Variants in CDKN2C observed in about 807,000 individuals in gnomAD.
CDKN2C encodes cyclin-dependent kinase 4 inhibitor C.
A neutral mutation model predicts 11.0 loss-of-function variants in CDKN2C; 5 were observed. The ratio of observed to expected loss-of-function variants is 0.45; its 90% CI spans 0.24 to 0.95. The LOEUF (loss-of-function observed/expected upper bound fraction) is 0.95. CDKN2C is among the 40% of genes least tolerant of loss of function. CDKN2C has a pLI of 0.21. For missense variants in CDKN2C, 161 were observed against 211.9 expected (o/e 0.76, Z 1.49); for synonymous variants, 79 against 88.3 (o/e 0.89, Z 0.59).
chr1:50,970,128 A>T, upstream of CDKN2C: 1 of 561,026 alleles, frequency 1.8e-6, no homozygotes, highest in South Asian at 2.0e-5. Flanking sequence ...TAAGCTAAAA[A>T]AGCGAGGCGA....
upstream of CDKN2C, among the ~76,000 whole-genome samples, chr1:50,965,957 C>T (rs1472890983): frequency 5.9e-5 from 9 of 151,974 alleles, no homozygotes; most frequent in Non-Finnish European, 1.5e-5. Flanking sequence ...GTTAATCATT[C>T]AGAAACTGTA....
At position 50,973,993 on chromosome 1, in the gene CDKN2C, C is replaced by A. The variant is rs746646631; in HGVS notation, c.230C>A (p.Ala77Glu). The change falls in exon 2 of 2, where the codon GCG becomes GAG. Residue 77 changes from alanine to glutamate, a missense_variant. Transcript: ENST00000371761. The stretch of plus-strand genomic sequence containing the variant: ...ACTGGTTTCGCTGTCATTCATGATG[C>A]GGCCAGAGCAGGTTTCCTGGACACT... ...DRTGFAVIHDAARAGFLDTLQ... is the reference protein window; with the variant it reads ...DRTGFAVIHDEARAGFLDTLQ... 6.2e-7 allele frequency: 1 copy of A among 1,614,190 alleles called. No individual in the cohort carries two copies. The highest frequency in any genetic ancestry group is 8.5e-7 in the Non-Finnish European group (1 of 1,180,028).
chr1:50,970,335 AT>A lies in CDKN2C; in HGVS notation c.-32del. On this transcript the variant is annotated 5_prime_UTR_variant, in exon 1 of 2. Transcript: ENST00000371761. ...GAAAGGGGAAAAAGAAAAACGACTAATTCATCTTTTCCTGATCGTCAGGACC... is the reference window on the plus strand; with the variant it reads ...GAAAGGGGAAAAAGAAAAACGACTAATCATCTTTTCCTGATCGTCAGGACC... 6.2e-7 allele frequency: 1 copy of A among 1,613,306 alleles called. No individual in the cohort carries two copies. The highest frequency in any genetic ancestry group is 8.5e-7 in the Non-Finnish European group (1 of 1,179,934).
chr1:50,961,587 T>G (rs1645323688), intron 1 of CDKN2C, among the ~76,000 whole-genome samples: 1 of 152,248 alleles, frequency 6.6e-6, no homozygotes. Flanking sequence ...TGTAAAAGCT[T>G]GAAAATGTGA....
In CDKN2C at chr1:50,974,577, G is replaced by T. The variant is rs10028; in HGVS notation, c.*307G>T. 1 of 309,008 alleles carries T rather than the reference G, an allele frequency of 3.2e-6. No individual in the cohort carries two copies. Among genetic ancestry groups the T allele is most frequent in the Non-Finnish European group, 6.0e-6 (1 of 167,350 alleles). 19.1% of individuals were successfully genotyped at this position (309,008 alleles called of 1,614,324 possible). A position where few individuals can be genotyped will look rare whatever the true frequency, so the allele number is the denominator to read the frequency against. ...TCTCAACACCCAAGTTGAAGACTTT[G>T]TTTTTAAAATGGTTTGTCCTGATGC... On this transcript the variant is annotated 3_prime_UTR_variant, in exon 2 of 2. Transcript: ENST00000371761.
upstream of CDKN2C, among the ~76,000 whole-genome samples, chr1:50,966,099 T>C (rs1645346192): frequency 6.6e-6 from 1 of 151,934 alleles, no homozygotes; most frequent in Non-Finnish European, 1.5e-5. Context: ...TTTTTTTTTT[T>C]TTTTTGAGAC....
intron 1 of CDKN2C, among the ~76,000 whole-genome samples, chr1:50,964,075 T>C (rs1645336653): frequency 6.6e-6 from 1 of 152,198 alleles, no homozygotes; most frequent in Non-Finnish European, 1.5e-5. Flanking sequence ...TATATGCTTT[T>C]AGCCCATTTT....
rs779124012 is a variant in CDKN2C, at chr1:50,970,396, G to A, written c.28G>A (p.Ala10Thr). 2.5e-6 allele frequency: 4 copies of A among 1,614,148 alleles called. No homozygotes were observed. The highest frequency in any genetic ancestry group is 3.4e-6 in the Non-Finnish European group (4 of 1,180,028). ...GGCCGAGCCTTGGGGGAACGAGTTG[G>A]CGTCCGCAGCTGCCAGGGGGGACCT... Reference protein sequence around the residue: MAEPWGNELASAAARGDLEQ... With the variant: MAEPWGNELTSAAARGDLEQ... Residue 10 changes from alanine to threonine, a missense_variant, in exon 1 of 2, where the codon GCG (alanine) becomes ACG (threonine). By Grantham distance (58) the Ala-to-Thr change is moderately conservative. Transcript: ENST00000371761.
chr1:50,966,661 G>C (rs1453200183), upstream of CDKN2C, among the ~76,000 whole-genome samples: 1 of 151,200 alleles, frequency 6.6e-6, no homozygotes, highest in Non-Finnish European at 1.5e-5. Flanking sequence ...AAGACCCTAA[G>C]CTCTGCACTG....
chr1:50,973,403 C>G (rs1039174902), intron 1 of CDKN2C, among the ~76,000 whole-genome samples: 1 of 152,132 alleles, frequency 6.6e-6, no homozygotes, highest in African/African-American at 2.4e-5. Flanking sequence ...ACTCAACATC[C>G]TTATTTGTTT....
Position 50,974,357 on chromosome 1 carries a change from A to C in CDKN2C, c.*87A>C, listed in dbSNP as rs1334077201. On this transcript the variant is annotated 3_prime_UTR_variant, in exon 2 of 2. Transcript: ENST00000371761. ...CTTTTAATGTCATTTGTTAAAATAC[A>C]GTTCTGTCATATGTTAAGCAGCTAA... 3 of 1,365,830 alleles carry C rather than the reference A, an allele frequency of 2.2e-6. No homozygotes were observed. In the African/African-American group the frequency reaches 4.4e-5, roughly 20 times the overall value. 84.6% of individuals were successfully genotyped at this position (1,365,830 alleles called of 1,614,324 possible).
At chr1:50,967,245 T>C (rs964419478), upstream of CDKN2C, among the ~76,000 whole-genome samples, 2 of 152,208 alleles carry the variant, frequency 1.3e-5, no homozygotes, top group Non-Finnish European at 2.9e-5. Context: ...AAATTATTAT[T>C]TATTTCTTAC....
chr1:50,963,347 T>C (rs1391701079), intron 1 of CDKN2C, among the ~76,000 whole-genome samples: 1 of 152,276 alleles, frequency 6.6e-6, no homozygotes, highest in Non-Finnish European at 1.5e-5. Context: ...CTTGTGAACA[T>C]AACAGATGGC....
chr1:50,969,144 G>C (rs1645365556), upstream of CDKN2C: 1 of 152,542 alleles, frequency 6.6e-6, no homozygotes, highest in South Asian at 2.1e-4. This position sits in a 1 kb window ranked among gnomAD's most constrained non-coding sequence, Gnocchi z 6.6. Context: ...AGCGCTCGCC[G>C]AGACGGCGAC....
In CDKN2C at chr1:50,973,977, G is replaced by T. The variant is rs771853517; in HGVS notation, c.214G>T (p.Ala72Ser). 1.2e-6 allele frequency: 2 copies of T among 1,614,172 alleles called. No homozygotes were observed. The highest frequency in any genetic ancestry group is 1.7e-6 in the Non-Finnish European group (2 of 1,180,030). Residue 72 changes from alanine to serine, a missense_variant, in exon 2 of 2, where the codon GCT (alanine) becomes TCT (serine). Physicochemically the swap from Ala to Ser is moderately conservative, Grantham distance 99. Transcript: ENST00000371761. The stretch of plus-strand genomic sequence containing the variant: ...CGATTTGAAAGACCGAACTGGTTTC[G>T]CTGTCATTCATGATGCGGCCAGAGC... ...NPDLKDRTGF[A>S]VIHDAARAGF...
chr1:50,974,112 CG>C lies in CDKN2C; in HGVS notation c.352del (p.Val118TrpfsTer6). ...CTTGGCTGCCAAAGAAGGCCACCTC[CG>C]GGTGGTGGAGTTCCTGGTGAAGCAC... is the stretch of plus-strand genomic sequence containing the variant. ...LHLAAKEGHL[R>X]VVEFLVKHTA... On this transcript the variant is annotated frameshift_variant, in exon 2 of 2. Coordinates refer to ENST00000371761, the MANE Select transcript of CDKN2C (RefSeq NM_078626.3). LOFTEE classifies it high-confidence loss of function. 1 of 1,614,146 alleles carries C rather than the reference CG, an allele frequency of 6.2e-7. No homozygotes were observed. The highest frequency in any genetic ancestry group is 8.5e-7 in the Non-Finnish European group (1 of 1,180,018).
chr1:50,961,733 A>G (rs1355736727), intron 1 of CDKN2C, among the ~76,000 whole-genome samples: 1 of 152,206 alleles, frequency 6.6e-6, no homozygotes, highest in Non-Finnish European at 1.5e-5. Context: ...GGGCCTCACT[A>G]TGTTGCCCAG....
chr1:50,961,059 G>A (rs1645318273), intron 1 of CDKN2C, among the ~76,000 whole-genome samples: 1 of 142,944 alleles, frequency 7.0e-6, no homozygotes, highest in Non-Finnish European at 1.5e-5. Flanking sequence ...ATTTTGAGAC[G>A]GAGTCTCGCA....
At chr1:50,971,765 A>G (rs1026429124) in intron 1 of CDKN2C, among the ~76,000 whole-genome samples, 2 of 152,200 alleles carry the variant, frequency 1.3e-5, no homozygotes, top group Non-Finnish European at 2.9e-5. Flanking sequence ...TTTGACGAAC[A>G]GGAAGACTGG....
Sources: gnomAD v4.1 joint callset for allele counts (sites outside exome capture counted in the v4.1 genomes callset) on GRCh38, gnomAD v4.1.1 for gene constraint, Gnocchi (gnomAD v3.1) non-coding constraint, MANE v1.5 for transcripts, NCBI Gene and HGNC (gene_info 2026-07-23, HGNC 2026-07-21) for gene names.